Variants in CNIH3 observed in about 807,000 individuals in gnomAD.
CNIH3 encodes the protein protein cornichon homolog 3.
A neutral mutation model predicts 24.1 loss-of-function variants in CNIH3; 14 were observed. The ratio of observed to expected loss-of-function variants is 0.58; its 90% confidence interval spans 0.38 to 0.91. The LOEUF (loss-of-function observed/expected upper bound fraction) is 0.91. Ranked by LOEUF, CNIH3 falls within the 40% of genes least tolerant of loss-of-function variation. The pLI is 0.00. For missense variants in CNIH3, 178 were observed against 196.8 expected (o/e 0.90, Z 0.57); for synonymous variants, 68 against 73.8 (o/e 0.92, Z 0.40).
At chr1:224,503,671 A>C (rs974044135) in intron 1 of CNIH3, among the ~76,000 whole-genome samples, 5 of 152,210 alleles carry the variant, frequency 3.3e-5, no homozygotes, top group African/African-American at 9.6e-5. Context: ...GGTGTTTAGC[A>C]AGGGGAGGTG....
At chr1:224,492,597 T>C (rs1160162825) in intron 1 of CNIH3, among the ~76,000 whole-genome samples, 1 of 152,262 alleles carries the variant, frequency 6.6e-6, no homozygotes, top group Non-Finnish European at 1.5e-5. Flanking sequence ...CATTATTGTT[T>C]GAAGTTTTTC....
chr1:224,683,305 C>G (rs1158781058), intron 2 of CNIH3, among the ~76,000 whole-genome samples: 1 of 152,144 alleles, frequency 6.6e-6, no homozygotes, highest in Non-Finnish European at 1.5e-5. Context: ...AGACTCTTGT[C>G]TCAGATTAAA....
chr1:224,587,007 G>A (rs533176075), intron 5 of CNIH3: 1 of 152,380 alleles, frequency 6.6e-6, no homozygotes, highest in Admixed American at 6.5e-5. Flanking sequence ...GGAGAATAAA[G>A]TTCTGTTGTT....
At chr1:224,435,045 C>G (rs889474082) in intron 1 of CNIH3, 1 of 985,472 alleles carries the variant, frequency 1.0e-6, no homozygotes, top group East Asian at 1.1e-4. Flanking sequence ...TCGGCTGGCT[C>G]GACGAGCAGT....
intron 1 of CNIH3, among the ~76,000 whole-genome samples, chr1:224,473,716 A>G (rs1676458370): frequency 6.6e-6 from 1 of 152,198 alleles, no homozygotes; most frequent in Non-Finnish European, 1.5e-5. Flanking sequence ...TCAACACCCC[A>G]CTTCCAGCAT....
At chr1:224,688,162 T>G (rs2125153831) in intron 3 of CNIH3, among the ~76,000 whole-genome samples, 1 of 152,328 alleles carries the variant, frequency 6.6e-6, no homozygotes, top group East Asian at 1.9e-4. Flanking sequence ...TAGTTATGCT[T>G]CTGTTTAAAG....
chr1:224,510,275 C>G (rs1678090166), intron 1 of CNIH3, among the ~76,000 whole-genome samples: 1 of 152,088 alleles, frequency 6.6e-6, no homozygotes, highest in Non-Finnish European at 1.5e-5. Flanking sequence ...ATTCCCCATG[C>G]AAAGGAGCTT....
At chr1:224,718,373 G>A (rs1688540655) in intron 3 of CNIH3, among the ~76,000 whole-genome samples, 2 of 152,168 alleles carry the variant, frequency 1.3e-5, no homozygotes, top group South Asian at 2.1e-4. Flanking sequence ...GAGGAACAAC[G>A]AAGGATCAAG....
At chr1:224,500,928 C>T (rs539106031) in intron 1 of CNIH3, among the ~76,000 whole-genome samples, 54 of 152,308 alleles carry the variant, frequency 3.5e-4, no homozygotes, top group African/African-American at 1.3e-3. Flanking sequence ...CAGCCGGCAT[C>T]TGTGCATTCC....
intron 1 of CNIH3, among the ~76,000 whole-genome samples, chr1:224,500,779 C>T (rs188838236): frequency 2.0e-5 from 3 of 152,318 alleles, no homozygotes; most frequent in East Asian, 3.9e-4. Context: ...CAACCCCAGT[C>T]GCCAGTGGGC....
At chr1:224,733,207 A>G (rs1252666473) in intron 4 of CNIH3, among the ~76,000 whole-genome samples, 1 of 152,216 alleles carries the variant, frequency 6.6e-6, no homozygotes, top group Admixed American at 6.5e-5. Flanking sequence ...TGCAGTGGGC[A>G]ATTCCATCCC....
chr1:224,706,003 C>T (rs950097712), intron 3 of CNIH3, among the ~76,000 whole-genome samples: 1 of 152,008 alleles, frequency 6.6e-6, no homozygotes, highest in African/African-American at 2.4e-5. Context: ...GATGACTACT[C>T]TAGCACTTAC....
chr1:224,517,875 AC>A (rs1285909656), intron 1 of CNIH3, among the ~76,000 whole-genome samples: 2 of 152,142 alleles, frequency 1.3e-5, no homozygotes, highest in African/African-American at 2.4e-5. Flanking sequence ...ATTACTGCCA[AC>A]CCAGTGGAGG....
At chr1:224,667,753 T>TAA (rs5781378) in intron 1 of CNIH3, among the ~76,000 whole-genome samples, 99 of 137,830 alleles carry the variant, frequency 7.2e-4, no homozygotes, top group East Asian at 3.3e-3. Flanking sequence ...GTCAGTCCAA[T>TAA]AAAAAAAAAA....
chr1:224,617,818 A>T (rs981988892), intron 1 of CNIH3, among the ~76,000 whole-genome samples: 1 of 151,950 alleles, frequency 6.6e-6, no homozygotes, highest in Non-Finnish European at 1.5e-5. Flanking sequence ...GAAGGAGAAG[A>T]GCAAGGAGGC....
chr1:224,450,262 GAAAT>G (rs1675337370), intron 1 of CNIH3, among the ~76,000 whole-genome samples: 1 of 152,092 alleles, frequency 6.6e-6, no homozygotes, highest in South Asian at 2.1e-4. Context: ...CCAGCAAAAA[GAAAT>G]AAATAAACAG....
rs189523074 is a variant in CNIH3, at chr1:224,672,800, G to A, written c.82-8158G>A. Among the ~76,000 whole-genome samples, 35 of 152,282 alleles carry A rather than the reference G, an allele frequency of 2.3e-4. No individual in the cohort carries two copies. In the East Asian group the frequency reaches 6.2e-3, roughly 27 times the overall value. ...TGGAGAAATCAAGAGAGAAAGGTCC[G>A]TTCAAAGTGGCCCTAATACAAATAG... On this transcript the variant is annotated intron_variant, in intron 1 of 5. Coordinates refer to ENST00000272133, the MANE Select transcript of CNIH3 (RefSeq NM_152495.2).
chr1:224,533,526 C>A (rs535596106), intron 2 of CNIH3, among the ~76,000 whole-genome samples: 78 of 152,244 alleles, frequency 5.1e-4, no homozygotes, highest in African/African-American at 1.9e-3. Flanking sequence ...ATTATCTCAT[C>A]GTTCTGGGGG....
At chr1:224,674,140 G>T (rs945779676) in intron 1 of CNIH3, among the ~76,000 whole-genome samples, 1 of 152,104 alleles carries the variant, frequency 6.6e-6, no homozygotes, top group East Asian at 1.9e-4. Context: ...AATAAGAGGA[G>T]CAAATGCAGG....
Sources: allele counts gnomAD v4.1 joint callset (sites outside exome capture counted in the v4.1 genomes callset), GRCh38; gene constraint gnomAD v4.1.1; transcripts MANE v1.5; gene names NCBI Gene and HGNC (gene_info 2026-07-23, HGNC 2026-07-21).